The following SIAH1 variants were observed in gnomAD, a reference collection of about 807,000 sequenced individuals.
The protein encoded by SIAH1 is siah E3 ubiquitin protein ligase 1, also known as E3 ubiquitin-protein ligase SIAH1.
A neutral mutation model predicts 20.0 loss-of-function variants in SIAH1; 2 were observed. The observed-to-expected ratio is 0.10, with a 90% CI of 0.04 to 0.31. The LOEUF is 0.31. SIAH1 is among the 10% of genes least tolerant of loss of function. The pLI, the probability that SIAH1 is intolerant of heterozygous loss-of-function variation, is 1.00. For synonymous variants in SIAH1, 118 were observed against 125.3 expected (o/e 0.94, Z 0.39); for missense variants, 119 against 355.3 (o/e 0.33, Z 5.35).
chr16:48,365,665 C>CCA, intron 1 of SIAH1: 1 of 1,431,304 alleles, frequency 7.0e-7, no homozygotes, highest in Non-Finnish European at 9.1e-7. Flanking sequence ...CAGGAGGCAA[C>CCA]CACACCTCCC....
At chr16:48,382,149 G>T (rs752629018) in intron 1 of SIAH1, among the ~76,000 whole-genome samples, 1 of 152,150 alleles carries the variant, frequency 6.6e-6, no homozygotes, top group Non-Finnish European at 1.5e-5. Flanking sequence ...GTCCGAGGTG[G>T]GCGGATTACT....
At chr16:48,365,681 G>A (rs1960809031) in intron 1 of SIAH1, 1 of 1,424,176 alleles carries the variant, frequency 7.0e-7, no homozygotes, top group Non-Finnish European at 9.1e-7. Flanking sequence ...CTCCCTGTGA[G>A]CTCAAATTCG....
chr16:48,371,240 A>C (rs1280015390), intron 1 of SIAH1, among the ~76,000 whole-genome samples: 1 of 151,770 alleles, frequency 6.6e-6, no homozygotes, highest in Admixed American at 6.6e-5. Flanking sequence ...GTGTCTGTGA[A>C]TAGCTACTGC....
chr16:48,367,006 G>C (rs1420593256), intron 1 of SIAH1, among the ~76,000 whole-genome samples: 1 of 151,884 alleles, frequency 6.6e-6, no homozygotes, highest in Admixed American at 6.6e-5. Flanking sequence ...TTCTGGGCTC[G>C]AGCAATCCTC....
chr16:48,367,183 G>A (rs1281474814), intron 1 of SIAH1, among the ~76,000 whole-genome samples: 1 of 152,196 alleles, frequency 6.6e-6, no homozygotes, highest in African/African-American at 2.4e-5. Context: ...ACTGTGCCCA[G>A]TCTATATTTT....
intron 1 of SIAH1, among the ~76,000 whole-genome samples, chr16:48,366,262 G>A (rs1181228321): frequency 6.6e-6 from 1 of 152,216 alleles, no homozygotes; most frequent in Non-Finnish European, 1.5e-5. Flanking sequence ...GAAATGCGTG[G>A]CCACACTGGC....
intron 1 of SIAH1, among the ~76,000 whole-genome samples, chr16:48,371,622 T>C (rs1416944479): frequency 6.6e-6 from 1 of 152,226 alleles, no homozygotes; most frequent in African/African-American, 2.4e-5. Context: ...TTTTCAACTT[T>C]TTATTTCATA....
intron 1 of SIAH1, among the ~76,000 whole-genome samples, chr16:48,372,455 A>G (rs1038830924): frequency 6.6e-6 from 1 of 152,200 alleles, no homozygotes; most frequent in African/African-American, 2.4e-5. Flanking sequence ...TTTTACTTTC[A>G]TGTTTTTAAT....
At chr16:48,372,342 A>G (rs1961006756) in intron 1 of SIAH1, among the ~76,000 whole-genome samples, 1 of 152,226 alleles carries the variant, frequency 6.6e-6, no homozygotes. Flanking sequence ...AAACCATTTT[A>G]GTTATTTCAA....
rs150256585 is a variant in SIAH1, at chr16:48,369,762, C to G, written c.-2-7332G>C. Among the ~76,000 whole-genome samples, 5 of 152,290 alleles carry G rather than the reference C, an allele frequency of 3.3e-5. No homozygotes were observed. In the East Asian group the frequency reaches 9.7e-4, roughly 29 times the overall value. On this transcript the variant is annotated intron_variant, in intron 1 of 1. Coordinates refer to ENST00000394725, the MANE Select transcript of SIAH1 (RefSeq NM_003031.4). ...AGTGTAAGATCCCCCTAAAACAATGCAAGCCCTTCAACATGCCAATAGTAA... is the reference window on the plus strand; with the variant it reads ...AGTGTAAGATCCCCCTAAAACAATGGAAGCCCTTCAACATGCCAATAGTAA...
Position 48,362,501 on chromosome 16 carries a change from C to T in SIAH1, c.-2-71G>A. 1.3e-6 allele frequency: 2 copies of T among 1,486,636 alleles called. No homozygotes were observed. Among genetic ancestry groups the T allele is most frequent in the East Asian group, 2.3e-5 (1 of 43,528 alleles). The allele number at this position is 1,486,636 out of a possible 1,614,324, so 92.1% of individuals were successfully genotyped here. A position where few individuals can be genotyped will look rare whatever the true frequency, so the allele number is the denominator to read the frequency against. On this transcript the variant is annotated intron_variant, in intron 1 of 1. Transcript: ENST00000394725. The surrounding 1 kb of genome is among the most constrained non-coding windows in gnomAD (Gnocchi z 4.2). ...TGACTTACTTTATAAATAATGTTTA[C>T]ATGCCATAAGTCCTTTTAAAGTTTC...
chr16:48,379,168 A>T (rs1038839713), intron 1 of SIAH1, among the ~76,000 whole-genome samples: 26 of 151,936 alleles, frequency 1.7e-4, no homozygotes, highest in African/African-American at 6.1e-4. Flanking sequence ...ACACATCCAG[A>T]TCTGACTCTT....
At chr16:48,372,950 T>C (rs140559979) in intron 1 of SIAH1, among the ~76,000 whole-genome samples, 59 of 152,130 alleles carry the variant, frequency 3.9e-4, no homozygotes, top group African/African-American at 1.4e-3. Flanking sequence ...AGTTGACGGA[T>C]CACTGGGCTC....
chr16:48,384,685 C>G lies in SIAH1; in HGVS notation c.-3+519G>C, dbSNP rs1345795827. Among the ~76,000 whole-genome samples, 3 of 150,734 alleles carry G rather than the reference C, an allele frequency of 2.0e-5. No individual in the cohort carries two copies. The East Asian group carries it at 5.9e-4, about 30-fold the overall frequency. ...GCAGAGAGCGGAGGCCGAGGCCCGCCGAGCGGCGCGGTGCGGCCCGGGCCT... is the reference window on the plus strand; with the variant it reads ...GCAGAGAGCGGAGGCCGAGGCCCGCGGAGCGGCGCGGTGCGGCCCGGGCCT... On this transcript the variant is annotated intron_variant, in intron 1 of 1. Transcript: ENST00000394725.
intron 1 of SIAH1, chr16:48,365,646 T>C (rs1960807501): frequency 7.0e-7 from 1 of 1,428,540 alleles, no homozygotes; most frequent in East Asian, 2.5e-5. Context: ...AAGGAAGCCT[T>C]TCCATCCCCA....
At chr16:48,381,578 A>G (rs1961293380) in intron 1 of SIAH1, among the ~76,000 whole-genome samples, 1 of 152,264 alleles carries the variant, frequency 6.6e-6, no homozygotes, top group African/African-American at 2.4e-5. Context: ...GCAGCCCTAA[A>G]GAAATGAATT....
Position 48,380,928 on chromosome 16 carries a change from C to CAAAAAAAAAAAAAAAAAAAAAAAA in SIAH1, c.-3+4275_-3+4276insTTTTTTTTTTTTTTTTTTTTTTTT, listed in dbSNP as rs59376248. Among the ~76,000 whole-genome samples, 19 of 44,950 alleles carry CAAAAAAAAAAAAAAAAAAAAAAAA rather than the reference C, an allele frequency of 4.2e-4. 2 individuals are homozygous for CAAAAAAAAAAAAAAAAAAAAAAAA. The highest frequency in any genetic ancestry group is 4.4e-4 in the Non-Finnish European group (12 of 27,052). 29.5% of individuals were successfully genotyped at this position (44,950 alleles called of 152,430 possible). ...TGGGCGACAGAGTGAGACTCCGTCT[C>CAAAAAAAAAAAAAAAAAAAAAAAA]AAAAAAAAAAAAAAAAAGAACGGCT... On this transcript the variant is annotated intron_variant, in intron 1 of 1. Transcript: ENST00000394725.
At chr16:48,380,455 AAAAC>A (rs1597033205) in intron 1 of SIAH1, among the ~76,000 whole-genome samples, 1 of 151,368 alleles carries the variant, frequency 6.6e-6, no homozygotes, top group Non-Finnish European at 1.5e-5. Flanking sequence ...TGTCTCCAAA[AAAAC>A]AAACAAAAAA....
chr16:48,361,230 C>T lies in SIAH1; in HGVS notation c.*350G>A, dbSNP rs1015063476. 2.3e-5 allele frequency: 6 copies of T among 255,598 alleles called. No individual in the cohort carries two copies. The highest frequency in any genetic ancestry group is 9.1e-5 in the African/African-American group (4 of 43,856). 15.8% of individuals were successfully genotyped at this position (255,598 alleles called of 1,614,324 possible). On this transcript the variant is annotated 3_prime_UTR_variant, in exon 2 of 2. Transcript: ENST00000394725. ...AAAAACCCAAACACGCACACACCCA[C>T]GCAGGCACACACTCCCACGCAAAAA...
Sources: gnomAD v4.1 joint callset for allele counts (sites outside exome capture counted in the v4.1 genomes callset) on GRCh38, gnomAD v4.1.1 for gene constraint, Gnocchi (gnomAD v3.1) non-coding constraint, MANE v1.5 for transcripts, NCBI Gene and HGNC (gene_info 2026-07-23, HGNC 2026-07-21) for gene names.